PDE4D: variants seen among roughly 807,000 people sequenced by gnomAD.
PDE4D encodes 3',5'-cyclic-AMP phosphodiesterase 4D.
A neutral mutation model predicts 87.4 loss-of-function variants in PDE4D; 24 were observed. The observed-to-expected ratio is 0.27, with a 90% confidence interval of 0.20 to 0.39. PDE4D has a LOEUF of 0.39. PDE4D is among the 10% of genes least tolerant of loss of function. PDE4D has a pLI of 1.00. For missense variants in PDE4D, 714 were observed against 1,041.0 expected, an observed-to-expected ratio of 0.69 and a Z score of 4.32; for synonymous variants, 384 against 383.2, an observed-to-expected ratio of 1.00 and a Z score of -0.02.
chr5:59,340,672 C>T (rs1356673419), intron 1 of PDE4D, among the ~76,000 whole-genome samples: 1 of 152,144 alleles, frequency 6.6e-6, no homozygotes, highest in Non-Finnish European at 1.5e-5. Context: ...TCCACTCCCA[C>T]ACCCCTGCCA....
intron 1 of PDE4D, among the ~76,000 whole-genome samples, chr5:59,494,669 C>T (rs1194022928): frequency 6.6e-6 from 1 of 152,140 alleles, no homozygotes; most frequent in Non-Finnish European, 1.5e-5. Flanking sequence ...GTCTTTTAAA[C>T]TACTATTAAC....
intron 1 of PDE4D, among the ~76,000 whole-genome samples, chr5:59,574,110 A>ATATT (rs1368889726): frequency 0.018 from 110 of 6,056 alleles, 7 homozygotes; most frequent in African/African-American, 0.038. Context: ...ATATTTATAT[A>ATATT]TATATATAAA....
At chr5:59,900,779 C>T (rs2152762264) in intron 3 of PDE4D, among the ~76,000 whole-genome samples, 1 of 152,236 alleles carries the variant, frequency 6.6e-6, no homozygotes, top group East Asian at 1.9e-4. Context: ...CTTGAAATGT[C>T]ACTCTTGATC....
chr5:60,295,639 C>A (rs1032195369), intron 1 of PDE4D, among the ~76,000 whole-genome samples: 1 of 152,156 alleles, frequency 6.6e-6, no homozygotes, highest in East Asian at 1.9e-4. Context: ...TGTCTCCAGA[C>A]GTTGCCTAAT....
chr5:59,092,910 C>T (rs927166174), intron 5 of PDE4D, among the ~76,000 whole-genome samples: 1 of 152,184 alleles, frequency 6.6e-6, no homozygotes, highest in Non-Finnish European at 1.5e-5. Flanking sequence ...CTTTCCTCCT[C>T]AGCTATCGTT....
intron 1 of PDE4D, among the ~76,000 whole-genome samples, chr5:59,583,925 A>G (rs997392152): frequency 6.6e-6 from 1 of 152,226 alleles, no homozygotes; most frequent in African/African-American, 2.4e-5. Flanking sequence ...TCTAGAGATG[A>G]GCTAGGGCTC....
intron 6 of PDE4D, among the ~76,000 whole-genome samples, chr5:59,032,450 T>C (rs367959729): frequency 8.5e-4 from 129 of 152,120 alleles, no homozygotes; most frequent in African/African-American, 2.9e-3. Flanking sequence ...CATGGTGGCA[T>C]GCGCCTGTAG....
intron 1 of PDE4D, among the ~76,000 whole-genome samples, chr5:59,536,508 A>AAAAAAAAAAAAAC (rs1815295653): frequency 1.4e-5 from 1 of 73,558 alleles, no homozygotes; most frequent in Admixed American, 1.7e-4. Context: ...CAGCCTCAAA[A>AAAAAAAAAAAAAC]AAAAAAAAAA....
intron 2 of PDE4D, among the ~76,000 whole-genome samples, chr5:60,004,122 T>C (rs1397548211): frequency 6.6e-6 from 1 of 152,200 alleles, no homozygotes; most frequent in Admixed American, 6.5e-5. Context: ...ATTATTTTAA[T>C]ATGATACCAA....
chr5:59,913,085 T>C (rs1753626764), intron 3 of PDE4D, among the ~76,000 whole-genome samples: 1 of 152,146 alleles, frequency 6.6e-6, no homozygotes, highest in East Asian at 1.9e-4. Flanking sequence ...CCAGTTTGAA[T>C]GACCAGATGG....
intron 1 of PDE4D, among the ~76,000 whole-genome samples, chr5:59,499,798 A>T (rs1400433395): frequency 6.6e-6 from 1 of 152,142 alleles, no homozygotes. Flanking sequence ...AATGTCCAAA[A>T]ATAGCCCTGA....
At chr5:59,525,332 C>T (rs573200835) in intron 1 of PDE4D, among the ~76,000 whole-genome samples, 92 of 152,344 alleles carry the variant, frequency 6.0e-4, no homozygotes, top group Non-Finnish European at 7.1e-4. Flanking sequence ...TGTTTAATGA[C>T]TGCCCTATTG....
At chr5:59,848,636 T>C (rs927059705) in intron 1 of PDE4D, among the ~76,000 whole-genome samples, 1 of 151,954 alleles carries the variant, frequency 6.6e-6, no homozygotes, top group Non-Finnish European at 1.5e-5. Flanking sequence ...TAACCTATAA[T>C]AACGGTATTA....
intron 2 of PDE4D, among the ~76,000 whole-genome samples, chr5:60,009,405 T>C (rs1026673386): frequency 9.2e-5 from 14 of 152,078 alleles, no homozygotes; most frequent in African/African-American, 3.1e-4. Flanking sequence ...ATTCAATAAT[T>C]ATTTATCGAG....
chr5:60,054,777 T>A (rs1770597894), intron 2 of PDE4D, among the ~76,000 whole-genome samples: 1 of 152,132 alleles, frequency 6.6e-6, no homozygotes, highest in African/African-American at 2.4e-5. Flanking sequence ...TTATACTTTA[T>A]CAAATGATGT....
At chr5:60,317,108 A>C (rs953126033) in intron 1 of PDE4D, among the ~76,000 whole-genome samples, 2 of 152,156 alleles carry the variant, frequency 1.3e-5, no homozygotes, top group African/African-American at 4.8e-5. Context: ...CTGTGAATCC[A>C]TCTGGTCCTG....
At chr5:59,443,438 G>A (rs538191787) in intron 1 of PDE4D, among the ~76,000 whole-genome samples, 1 of 152,074 alleles carries the variant, frequency 6.6e-6, no homozygotes, top group Non-Finnish European at 1.5e-5. Flanking sequence ...TTCCATAAAA[G>A]AAATGGCAGA....
chr5:59,176,454 T>A (rs1581207107), intron 5 of PDE4D, among the ~76,000 whole-genome samples: 1 of 151,704 alleles, frequency 6.6e-6, no homozygotes, highest in East Asian at 1.9e-4. Flanking sequence ...CTTGGGAGGC[T>A]GAGGCAGGAG....
At chr5:59,960,882 AT>A (rs1371702951) in intron 3 of PDE4D, among the ~76,000 whole-genome samples, 4 of 152,192 alleles carry the variant, frequency 2.6e-5, no homozygotes, top group Admixed American at 6.5e-5. Flanking sequence ...AATTAAAAAA[AT>A]ATTTATATGT....
Sources: gnomAD v4.1 joint callset for allele counts (sites outside exome capture counted in the v4.1 genomes callset) on GRCh38, gnomAD v4.1.1 for gene constraint, MANE v1.5 for transcripts, NCBI Gene and HGNC (gene_info 2026-07-23, HGNC 2026-07-21) for gene names.